Variants in PDGFD observed in about 807,000 individuals in gnomAD.
PDGFD encodes the protein platelet-derived growth factor D.
Under a neutral mutation model 44.7 loss-of-function variants are expected in PDGFD, and 30 were observed. The observed-to-expected ratio is 0.67, with a 90% CI of 0.50 to 0.91. PDGFD has a LOEUF of 0.91. Ranked by LOEUF, PDGFD falls within the 40% of genes least tolerant of loss-of-function variation. The pLI, the probability that PDGFD is intolerant of heterozygous loss-of-function variation, is 0.00. For synonymous variants in PDGFD, 173 were observed against 168.4 expected, an observed-to-expected ratio of 1.03 and a Z score of -0.21; for missense variants, 445 against 457.8, an observed-to-expected ratio of 0.97 and a Z score of 0.25.
In PDGFD at chr11:104,163,169, C is replaced by T. The variant is rs183935878; in HGVS notation, c.124+635G>A. On this transcript the variant is annotated intron_variant, in intron 1 of 6. Coordinates refer to ENST00000393158, the MANE Select transcript of PDGFD (RefSeq NM_025208.5). ...TGGTGCCCCTGTGGTACTGATGAAA[C>T]CCCAGAAGCCTTGGTCTCCTACACT... Among the ~76,000 whole-genome samples, 50 of 152,168 alleles carry T rather than the reference C, an allele frequency of 3.3e-4. No homozygotes were observed. The East Asian group carries it at 7.6e-3, about 23-fold the overall frequency.
In PDGFD at chr11:104,163,867, T is replaced by C; in HGVS notation, c.61A>G (p.Thr21Ala). The C allele has an allele frequency of 6.3e-7, 1 of 1,579,196 alleles. No individual in the cohort carries two copies. The highest frequency in any genetic ancestry group is 8.7e-7 in the Non-Finnish European group (1 of 1,154,230). ...ICANFCSCRD[T>A]SATPQSASIK... The stretch of plus-strand genomic sequence containing the variant: ...GATGCGCTCTGCGGGGTTGCAGAAG[T>C]GTCCCGACAGCTGCAAAAGTTTGCG... The change falls in exon 1 of 7, where the codon ACT becomes GCT. Residue 21 changes from threonine (T) to alanine (A), a missense_variant. By Grantham distance (58) the Thr-to-Ala change is moderately conservative. Transcript: ENST00000393158.
At chr11:104,017,928 T>C (rs889119764) in intron 1 of PDGFD, among the ~76,000 whole-genome samples, 1 of 152,192 alleles carries the variant, frequency 6.6e-6, no homozygotes, top group Non-Finnish European at 1.5e-5. Context: ...TCCAGAAAGA[T>C]TTGAAAATCT....
At chr11:103,999,712 T>C (rs1408252521) in intron 2 of PDGFD, among the ~76,000 whole-genome samples, 1 of 152,190 alleles carries the variant, frequency 6.6e-6, no homozygotes, top group African/African-American at 2.4e-5. Context: ...CCACACATGA[T>C]GCAGCTGCCC....
chr11:104,071,274 A>AT (rs1164013937), intron 1 of PDGFD, among the ~76,000 whole-genome samples: 1 of 151,850 alleles, frequency 6.6e-6, no homozygotes, highest in Non-Finnish European at 1.5e-5. Flanking sequence ...TTTTCTTTTC[A>AT]TCAGTTAAGT....
intron 1 of PDGFD, among the ~76,000 whole-genome samples, chr11:104,158,154 T>A (rs958372307): frequency 6.6e-6 from 1 of 152,210 alleles, no homozygotes; most frequent in African/African-American, 2.4e-5. Context: ...AAAGCGCATA[T>A]CACACTCTTT....
chr11:104,054,251 A>G (rs562530709), intron 1 of PDGFD, among the ~76,000 whole-genome samples: 2 of 152,362 alleles, frequency 1.3e-5, no homozygotes, highest in East Asian at 1.9e-4. Flanking sequence ...TGACAATTGC[A>G]TATTTGCACA....
Position 104,116,838 on chromosome 11 carries a change from T to C in PDGFD, c.124+46966A>G, listed in dbSNP as rs188075700. 1.2e-3 allele frequency among the ~76,000 whole-genome samples: 186 copies of C among 152,044 alleles called. 1 individual carries two copies. The highest frequency in any genetic ancestry group is 4.3e-3 in the African/African-American group (180 of 41,510). On this transcript the variant is annotated intron_variant, in intron 1 of 6. Transcript: ENST00000393158. ...AGTCTCACAAGATCTGATGGGTTTA[T>C]CAGGGGTTTCTGCTTTTGTTTCTTC...
chr11:104,106,603 A>T (rs983278101), intron 1 of PDGFD, among the ~76,000 whole-genome samples: 1 of 152,202 alleles, frequency 6.6e-6, no homozygotes, highest in African/African-American at 2.4e-5. Context: ...TGTTGTATAC[A>T]GGAAGCTAAA....
chr11:104,150,927 A>AT (rs573294217), intron 1 of PDGFD, among the ~76,000 whole-genome samples: 1 of 152,202 alleles, frequency 6.6e-6, no homozygotes, highest in Non-Finnish European at 1.5e-5. Flanking sequence ...ACATGATACC[A>AT]TTGGGGTCAT....
intron 1 of PDGFD, among the ~76,000 whole-genome samples, chr11:104,020,850 AT>A (rs1422380651): frequency 6.6e-6 from 1 of 152,128 alleles, no homozygotes; most frequent in Non-Finnish European, 1.5e-5. Context: ...AGTTCTGAAA[AT>A]GTGTATAATC....
At chr11:104,071,992 A>C (rs1170244509) in intron 1 of PDGFD, among the ~76,000 whole-genome samples, 2 of 151,652 alleles carry the variant, frequency 1.3e-5, no homozygotes, top group Non-Finnish European at 3.0e-5. Flanking sequence ...AGGCTTTATA[A>C]TATATTTTAA....
In PDGFD at chr11:104,071,260, A is replaced by C. The variant is rs142951010; in HGVS notation, c.125-71005T>G. On this transcript the variant is annotated intron_variant, in intron 1 of 6. Coordinates refer to ENST00000393158, the MANE Select transcript of PDGFD (RefSeq NM_025208.5). ...TGGTATGTCATAATAACTTTAACTT[A>C]AATTTTTCTTTTCATCAGTTAAGTT... Among the ~76,000 whole-genome samples the C allele has an allele frequency of 6.1e-3, 921 of 152,046 alleles. 6 individuals carry two copies. The highest frequency in any genetic ancestry group is 8.8e-3 in the Non-Finnish European group (599 of 67,866).
At chr11:103,988,426 G>T (rs950941962) in intron 3 of PDGFD, among the ~76,000 whole-genome samples, 1 of 151,978 alleles carries the variant, frequency 6.6e-6, no homozygotes, top group Non-Finnish European at 1.5e-5. Context: ...GGAGTCATCT[G>T]CTCATATGAT....
intron 1 of PDGFD, among the ~76,000 whole-genome samples, chr11:104,109,861 G>A (rs972529738): frequency 6.6e-6 from 1 of 151,994 alleles, no homozygotes; most frequent in African/African-American, 2.4e-5. Flanking sequence ...AGTGTGCTCT[G>A]GATCCAGACT....
intron 1 of PDGFD, among the ~76,000 whole-genome samples, chr11:104,111,964 G>A (rs1861564996): frequency 6.6e-6 from 1 of 152,118 alleles, no homozygotes; most frequent in Admixed American, 6.6e-5. Flanking sequence ...TCAGAAAGAG[G>A]ATTTTACTGG....
intron 1 of PDGFD, among the ~76,000 whole-genome samples, chr11:104,010,983 TAA>T (rs1276296450): frequency 6.6e-6 from 1 of 151,964 alleles, no homozygotes; most frequent in Non-Finnish European, 1.5e-5. Flanking sequence ...CACAGAAAGA[TAA>T]GAGGGAAAAT....
intron 1 of PDGFD, among the ~76,000 whole-genome samples, chr11:104,133,525 G>C (rs1861954952): frequency 6.6e-6 from 1 of 152,110 alleles, no homozygotes; most frequent in Non-Finnish European, 1.5e-5. Flanking sequence ...TAGCACAAGA[G>C]ATGAAGATGC....
intron 1 of PDGFD, chr11:104,037,871 T>C (rs1416664006): frequency 1.4e-5 from 23 of 1,614,044 alleles, no homozygotes; most frequent in Non-Finnish European, 1.9e-5. Flanking sequence ...AATGTGCTGG[T>C]CATCGGCACC....
At chr11:104,106,089 T>C (rs1489873139) in intron 1 of PDGFD, among the ~76,000 whole-genome samples, 2 of 152,256 alleles carry the variant, frequency 1.3e-5, no homozygotes, top group Non-Finnish European at 1.5e-5. Context: ...GTAATACATA[T>C]ATTAGAAACT....
Sources: gnomAD v4.1 joint callset for allele counts (sites outside exome capture counted in the v4.1 genomes callset) on GRCh38, gnomAD v4.1.1 for gene constraint, MANE v1.5 for transcripts, NCBI Gene and HGNC (gene_info 2026-07-23, HGNC 2026-07-21) for gene names.